The following CPNE4 variants were observed in gnomAD, a reference collection of about 807,000 sequenced individuals.
CPNE4 encodes copine-4.
CPNE4 carries 25 observed loss-of-function variants against 67.9 expected under a neutral mutation model. That is an observed-to-expected ratio of 0.37 (90% CI 0.27 to 0.51). CPNE4 has a LOEUF of 0.51. CPNE4 is among the 20% of genes least tolerant of loss of function. CPNE4 has a pLI of 0.93. For missense variants in CPNE4, 464 were observed against 690.8 expected, an observed-to-expected ratio of 0.67 and a Z score of 3.68; for synonymous variants, 242 against 244.9, an observed-to-expected ratio of 0.99 and a Z score of 0.11.
chr3:131,698,321 G>A (rs2081209223), intron 4 of CPNE4, among the ~76,000 whole-genome samples: 1 of 150,314 alleles, frequency 6.7e-6, no homozygotes, highest in South Asian at 2.1e-4. Flanking sequence ...ATATCTCAGA[G>A]AAAATATGGC....
chr3:131,903,997 A>C (rs978328234), intron 2 of CPNE4, among the ~76,000 whole-genome samples: 1 of 152,190 alleles, frequency 6.6e-6, no homozygotes, highest in Middle Eastern at 3.4e-3. Flanking sequence ...AATCCTTCCC[A>C]GAATAAACTT....
chr3:131,731,022 TC>T (rs1357732175), intron 2 of CPNE4, among the ~76,000 whole-genome samples: 4 of 152,168 alleles, frequency 2.6e-5, no homozygotes, highest in Non-Finnish European at 5.9e-5. Flanking sequence ...TCTTCACCCA[TC>T]AAGCAGTAAA....
intron 2 of CPNE4, among the ~76,000 whole-genome samples, chr3:131,877,343 C>G (rs992838616): frequency 7.9e-5 from 12 of 152,104 alleles, no homozygotes; most frequent in Non-Finnish European, 1.6e-4. Context: ...AGAAAGCTCT[C>G]TAGGGAGGGG....
At chr3:131,963,736 C>G (rs1237984019) in intron 1 of CPNE4, among the ~76,000 whole-genome samples, 1 of 152,216 alleles carries the variant, frequency 6.6e-6, no homozygotes, top group East Asian at 1.9e-4. Flanking sequence ...CAGCTCCAGT[C>G]ACGGGCTTAT....
At chr3:131,672,120 C>A (rs1368381375) in intron 6 of CPNE4, among the ~76,000 whole-genome samples, 5 of 152,076 alleles carry the variant, frequency 3.3e-5, no homozygotes, top group African/African-American at 1.2e-4. Context: ...ATAAAGACCT[C>A]CAGTTTTATC....
chr3:132,018,243 G>A (rs2073926945), intron 1 of CPNE4, among the ~76,000 whole-genome samples: 1 of 152,194 alleles, frequency 6.6e-6, no homozygotes, highest in Non-Finnish European at 1.5e-5. Flanking sequence ...GAAGGTGTAT[G>A]CTTTAGGGAT....
At chr3:131,854,617 C>T (rs530280745) in intron 2 of CPNE4, among the ~76,000 whole-genome samples, 1 of 151,878 alleles carries the variant, frequency 6.6e-6, no homozygotes, top group East Asian at 1.9e-4. Context: ...AAACAACCAA[C>T]ATTTTCACTG....
intron 7 of CPNE4, among the ~76,000 whole-genome samples, chr3:131,661,587 T>C (rs2080126684): frequency 6.6e-6 from 1 of 152,126 alleles, no homozygotes; most frequent in Non-Finnish European, 1.5e-5. Flanking sequence ...TGATCCAATA[T>C]AGAGACACCT....
rs1355135770 is a variant in CPNE4, at chr3:131,978,178, T to A, written c.-2+56389A>T. ...ATATAAATATATATAAATATGTAAA[T>A]ATATATAATATATTTATAATTATTA... On this transcript the variant is annotated intron_variant, in intron 1 of 15. Transcript: ENST00000429747. Among the ~76,000 whole-genome samples the A allele has an allele frequency of 8.0e-5, 5 of 62,538 alleles. 1 individual carries two copies. Among genetic ancestry groups the A allele is most frequent in the African/African-American group, 2.0e-4 (2 of 10,236 alleles). 41.0% of individuals were successfully genotyped at this position (62,538 alleles called of 152,430 possible).
intron 10 of CPNE4, among the ~76,000 whole-genome samples, chr3:131,572,082 T>G (rs1174376047): frequency 1.3e-5 from 2 of 152,062 alleles, no homozygotes; most frequent in Admixed American, 6.6e-5. Context: ...AAAAGTATTT[T>G]GAGCAGCTTA....
At chr3:131,696,879 T>C (rs75119553) in intron 4 of CPNE4, among the ~76,000 whole-genome samples, 4,483 of 152,120 alleles carry the variant, frequency 0.029, 89 homozygotes, top group Non-Finnish European at 0.045. Flanking sequence ...AAGGAAAAAA[T>C]AGAAGAGCAG....
At chr3:131,603,297 T>C (rs1939310325) in intron 7 of CPNE4, among the ~76,000 whole-genome samples, 1 of 152,214 alleles carries the variant, frequency 6.6e-6, no homozygotes, top group Non-Finnish European at 1.5e-5. Flanking sequence ...ATAGATGGAC[T>C]AATCTCTATA....
intron 1 of CPNE4, among the ~76,000 whole-genome samples, chr3:132,029,299 G>C (rs1583620148): frequency 6.6e-6 from 1 of 152,198 alleles, no homozygotes; most frequent in African/African-American, 2.4e-5. Context: ...CAGATGCTCA[G>C]GGCAAAACCT....
chr3:131,866,137 T>A (rs1274147189), intron 2 of CPNE4, among the ~76,000 whole-genome samples: 2 of 152,240 alleles, frequency 1.3e-5, no homozygotes, highest in Non-Finnish European at 2.9e-5. Flanking sequence ...TTCTTCCACA[T>A]ACAGGATCTG....
intron 2 of CPNE4, among the ~76,000 whole-genome samples, chr3:131,827,037 TAAAAACAAAACAAAACAAAA>T: frequency 6.6e-6 from 1 of 151,302 alleles, no homozygotes; most frequent in South Asian, 2.1e-4. Flanking sequence ...GACCTGACTC[TAAAAACAAAACAAAACAAAA>T]AAAAACAAAA....
At chr3:131,703,997 T>C (rs1016012364) in intron 3 of CPNE4, among the ~76,000 whole-genome samples, 1 of 152,242 alleles carries the variant, frequency 6.6e-6, no homozygotes, top group Non-Finnish European at 1.5e-5. Flanking sequence ...ACATTTCAAC[T>C]ACAGGACTTC....
At chr3:131,570,367 G>T (rs916285748) in intron 10 of CPNE4, among the ~76,000 whole-genome samples, 1 of 149,990 alleles carries the variant, frequency 6.7e-6, no homozygotes, top group Non-Finnish European at 1.5e-5. Flanking sequence ...CTAAGTTTTA[G>T]GGTACATGTG....
chr3:131,935,244 G>C (rs2071189242), intron 1 of CPNE4, among the ~76,000 whole-genome samples: 1 of 152,076 alleles, frequency 6.6e-6, no homozygotes, highest in Non-Finnish European at 1.5e-5. Context: ...TGGATTGAGA[G>C]TACTTGCAAG....
intron 3 of CPNE4, among the ~76,000 whole-genome samples, chr3:131,700,857 A>G (rs2081280517): frequency 6.6e-6 from 1 of 152,044 alleles, no homozygotes; most frequent in East Asian, 1.9e-4. Flanking sequence ...ATGTCCATCA[A>G]TGATAGACTG....
Sources: gnomAD v4.1 joint callset for allele counts (sites outside exome capture counted in the v4.1 genomes callset) on GRCh38, gnomAD v4.1.1 for gene constraint, MANE v1.5 for transcripts, NCBI Gene and HGNC (gene_info 2026-07-23, HGNC 2026-07-21) for gene names.